The following RYR2 variants were observed in gnomAD, a reference collection of about 807,000 sequenced individuals.
The protein encoded by RYR2 is cardiac muscle ryanodine receptor-calcium release channel.
A neutral mutation model predicts 601.1 loss-of-function variants in RYR2; 227 were observed. The observed-to-expected ratio is 0.38, with a 90% CI of 0.34 to 0.42. The LOEUF (loss-of-function observed/expected upper bound fraction) is 0.42. RYR2 is among the 10% of genes least tolerant of loss of function. The pLI is 1.00. For synonymous variants in RYR2, 2,223 were observed against 2,175.1 expected, an observed-to-expected ratio of 1.02 and a Z score of -0.61; for missense variants, 4,646 against 6,156.5, an observed-to-expected ratio of 0.75 and a Z score of 8.21.
At chr1:237,107,186 C>T (rs1668775889) in intron 1 of RYR2, among the ~76,000 whole-genome samples, 1 of 152,082 alleles carries the variant, frequency 6.6e-6, no homozygotes, top group Non-Finnish European at 1.5e-5. Context: ...CAATGGACAA[C>T]ATATACTTTA....
chr1:237,698,105 A>AGTGTGTGTGT (rs3999833), intron 63 of RYR2, among the ~76,000 whole-genome samples: 23 of 140,140 alleles, frequency 1.6e-4, no homozygotes, highest in African/African-American at 5.3e-4. Context: ...AGGAGATGAT[A>AGTGTGTGTGT]GTGTGTGTGT....
In RYR2 at chr1:237,107,404, C is replaced by T. The variant is rs374508768; in HGVS notation, c.48+64835C>T. On this transcript the variant is annotated intron_variant, in intron 1 of 104. Transcript: ENST00000366574. ...GACGTGGTGGCGGGCGCCTGTAGTC[C>T]CAGCTACTCAGGAGGCTGAGGCAGG... Among the ~76,000 whole-genome samples, 554 of 150,450 alleles carry T rather than the reference C, an allele frequency of 3.7e-3. 6 individuals are homozygous for T. Among genetic ancestry groups the T allele is most frequent in the East Asian group, 8.2e-3 (42 of 5,092 alleles).
intron 38 of RYR2, among the ~76,000 whole-genome samples, chr1:237,619,570 T>G (rs1255679723): frequency 6.6e-6 from 1 of 152,064 alleles, no homozygotes; most frequent in Non-Finnish European, 1.5e-5. Flanking sequence ...AAGAAAATAA[T>G]GCTGAAAACT....
Position 237,127,285 on chromosome 1 carries a change from C to T in RYR2, c.48+84716C>T, listed in dbSNP as rs904079614. The stretch of plus-strand genomic sequence containing the variant: ...CGCCATTGTCATCCTGGCCCGTTCT[C>T]AATGAGCTGTTGGGTACACCTCCCA... On this transcript the variant is annotated intron_variant, in intron 1 of 104. Transcript: ENST00000366574. Among the ~76,000 whole-genome samples the T allele has an allele frequency of 7.0e-3, 1,066 of 152,160 alleles. 5 individuals are homozygous for T. Among genetic ancestry groups the T allele is most frequent in the Middle Eastern group, 0.01 (3 of 290 alleles).
At chr1:237,823,704 A>G (rs534534794) in intron 101 of RYR2, among the ~76,000 whole-genome samples, 1 of 152,338 alleles carries the variant, frequency 6.6e-6, no homozygotes, top group Non-Finnish European at 1.5e-5. Flanking sequence ...TGAGATAGAG[A>G]AACGAAAAAC....
At chr1:237,580,835 TG>T (rs1673836058) in intron 29 of RYR2, among the ~76,000 whole-genome samples, 1 of 152,152 alleles carries the variant, frequency 6.6e-6, no homozygotes, top group African/African-American at 2.4e-5. Context: ...GAAAAGACCA[TG>T]TGAGGATACA....
At chr1:237,052,229 T>G (rs889770809) in intron 1 of RYR2, among the ~76,000 whole-genome samples, 3 of 152,144 alleles carry the variant, frequency 2.0e-5, no homozygotes, top group Non-Finnish European at 4.4e-5. Flanking sequence ...AGTGAAACCT[T>G]ATATGCATCA....
At chr1:237,739,889 G>A (rs1573750564) in intron 79 of RYR2, among the ~76,000 whole-genome samples, 1 of 152,312 alleles carries the variant, frequency 6.6e-6, no homozygotes, top group South Asian at 2.1e-4. Flanking sequence ...ACTGTGTTAT[G>A]TATTCGTGCT....
At chr1:237,219,524 G>T (rs1343209803) in intron 1 of RYR2, among the ~76,000 whole-genome samples, 1 of 152,114 alleles carries the variant, frequency 6.6e-6, no homozygotes, top group African/African-American at 2.4e-5. Context: ...TTGGTCAAAT[G>T]CCTGTTCCTG....
chr1:237,184,488 T>G (rs1679127817), intron 1 of RYR2, among the ~76,000 whole-genome samples: 1 of 152,158 alleles, frequency 6.6e-6, no homozygotes, highest in South Asian at 2.1e-4. Context: ...TTATCAAGAG[T>G]GTATTTTTCA....
At position 237,544,426 on chromosome 1, in the gene RYR2, A is replaced by G. The variant is rs750927930; in HGVS notation, c.2907-4005A>G. Among the ~76,000 whole-genome samples, 319 of 152,280 alleles carry G rather than the reference A, an allele frequency of 2.1e-3. 1 individual carries two copies. Among genetic ancestry groups the G allele is most frequent in the Non-Finnish European group, 3.9e-3 (266 of 68,000 alleles). The stretch of plus-strand genomic sequence containing the variant: ...TTAATATGAGCTATATGTTTTTTGT[A>G]TGAATATAATAATAATAGGAGTTTT... On this transcript the variant is annotated intron_variant, in intron 25 of 104. Coordinates refer to ENST00000366574, the MANE Select transcript of RYR2 (RefSeq NM_001035.3).
chr1:237,196,961 A>T (rs1041044555), intron 1 of RYR2, among the ~76,000 whole-genome samples: 1 of 152,188 alleles, frequency 6.6e-6, no homozygotes, highest in Admixed American at 6.5e-5. Flanking sequence ...TTTTATAATT[A>T]TATTAAAAAA....
chr1:237,456,195 C>T (rs1658795061), intron 15 of RYR2, among the ~76,000 whole-genome samples: 1 of 152,106 alleles, frequency 6.6e-6, no homozygotes, highest in Admixed American at 6.6e-5. Flanking sequence ...AAATGCATTA[C>T]AGCATTTTTG....
chr1:237,798,057 G>A lies in RYR2; in HGVS notation c.13977G>A (p.Glu4659=), dbSNP rs78369334. 1.8e-3 allele frequency: 2,927 copies of A among 1,610,982 alleles called. 52 individuals carry two copies. In the African/African-American group the frequency reaches 0.033, roughly 18 times the overall value. Residue 4659 remains glutamate (E), a synonymous_variant, in exon 97 of 105, where the codon GAG becomes GAA. Coordinates refer to ENST00000366574, the MANE Select transcript of RYR2 (RefSeq NM_001035.3). The part of the protein sequence containing the change: ...VKRKVMDKYG[E]FYGRDRISEL... ...CCAAGGTTATGGATAAATATGGAGA[G>A]TTCTACGGCCGAGACAGAATCAGTG...
intron 10 of RYR2, among the ~76,000 whole-genome samples, chr1:237,400,010 A>C (rs986472862): frequency 1.3e-5 from 2 of 151,520 alleles, no homozygotes; most frequent in Admixed American, 1.3e-4. Flanking sequence ...CCAGGATCTT[A>C]CACAAATGAT....
At chr1:237,648,355 A>C (rs1012456661) in intron 48 of RYR2, 89 bp from the exon 49 acceptor site, 1 of 1,138,736 alleles carries the variant, frequency 8.8e-7, no homozygotes, top group African/African-American at 1.6e-5. Flanking sequence ...AACTGTGTTT[A>C]AAATGTAAGA....
chr1:237,511,095 G>A (rs539641237), intron 23 of RYR2, among the ~76,000 whole-genome samples: 1 of 152,250 alleles, frequency 6.6e-6, no homozygotes, highest in South Asian at 2.1e-4. Context: ...CTAAGTCATT[G>A]CCACACCCTT....
At chr1:237,561,732 C>T (rs1456672713) in intron 27 of RYR2, among the ~76,000 whole-genome samples, 1 of 152,104 alleles carries the variant, frequency 6.6e-6, no homozygotes, top group Non-Finnish European at 1.5e-5. Flanking sequence ...GTACCAGCCC[C>T]AGGAAGTTTT....
At chr1:237,236,171 T>A (rs561887118) in intron 1 of RYR2, among the ~76,000 whole-genome samples, 4 of 152,266 alleles carry the variant, frequency 2.6e-5, no homozygotes, top group African/African-American at 9.6e-5. Flanking sequence ...TTATCCCAGA[T>A]CTAAGTAGGA....
Sources: allele counts gnomAD v4.1 joint callset (sites outside exome capture counted in the v4.1 genomes callset), GRCh38; gene constraint gnomAD v4.1.1; transcripts MANE v1.5; gene names NCBI Gene and HGNC (gene_info 2026-07-23, HGNC 2026-07-21).